The following GALNT12 variants were observed in gnomAD, a reference collection of about 807,000 sequenced individuals.
GALNT12 encodes polypeptide N-acetylgalactosaminyltransferase 12.
Under a neutral mutation model 55.5 loss-of-function variants are expected in GALNT12, and 45 were observed. The ratio of observed to expected loss-of-function variants is 0.81; its 90% CI spans 0.64 to 1.04. The LOEUF is 1.04. GALNT12 is among the 50% of genes least tolerant of loss of function. The pLI, the probability that GALNT12 is intolerant of heterozygous loss-of-function variation, is 0.00. For missense variants in GALNT12, 709 were observed against 754.8 expected (o/e 0.94, Z 0.71); for synonymous variants, 304 against 312.2 (o/e 0.97, Z 0.28).
chr9:98,845,325 G>A (rs1016670048), intron 8 of GALNT12, among the ~76,000 whole-genome samples: 1 of 152,154 alleles, frequency 6.6e-6, no homozygotes, highest in Admixed American at 6.5e-5. Context: ...CTGGTGGGGT[G>A]GGTGGGTGTC....
chr9:98,817,114 C>T (rs1835630862), intron 1 of GALNT12, among the ~76,000 whole-genome samples: 1 of 152,184 alleles, frequency 6.6e-6, no homozygotes, highest in African/African-American at 2.4e-5. Flanking sequence ...GCGTGGGCCA[C>T]TGTGCCCAGC....
At chr9:98,825,368 C>T (rs1835834763) in intron 2 of GALNT12, among the ~76,000 whole-genome samples, 1 of 152,190 alleles carries the variant, frequency 6.6e-6, no homozygotes, top group Non-Finnish European at 1.5e-5. Context: ...CCCTTCCTGT[C>T]ATTGTGGGAA....
intron 1 of GALNT12, 28 bp from the exon 2 acceptor site, chr9:98,823,228 A>C: frequency 1.2e-6 from 2 of 1,611,616 alleles, no homozygotes. Flanking sequence ...CTAGATCCTG[A>C]GTTCCTGAAG....
In GALNT12 at chr9:98,849,834, T is replaced by A; in HGVS notation, c.*742T>A. The stretch of plus-strand genomic sequence containing the variant: ...CCACTATGACTTTAAAACATGTTTA[T>A]ATCATTTTTAATTTTTATGATACGG... On this transcript the variant is annotated 3_prime_UTR_variant, in exon 10 of 10. Transcript: ENST00000375011. 2.8e-6 allele frequency: 1 copy of A among 358,772 alleles called. No homozygotes were observed. The highest frequency in any genetic ancestry group is 4.1e-5 in the East Asian group (1 of 24,690). 22.2% of individuals were successfully genotyped at this position (358,772 alleles called of 1,614,324 possible).
At chr9:98,808,117 C>A in intron 1 of GALNT12, 48 bp downstream of exon 1, 1 of 1,468,056 alleles carries the variant, frequency 6.8e-7, no homozygotes, top group Non-Finnish European at 9.2e-7. Context: ...AGCCCCGGGC[C>A]TCAGTTTCTC....
At chr9:98,829,498 T>C (rs905577174) in intron 3 of GALNT12, among the ~76,000 whole-genome samples, 3 of 151,644 alleles carry the variant, frequency 2.0e-5, no homozygotes, top group Non-Finnish European at 4.4e-5. Context: ...CAGTTATTTT[T>C]AAATGTACAA....
chr9:98,849,090 T>C lies in GALNT12; in HGVS notation c.1744T>C (p.Ter582ArgextTer24), dbSNP rs2118524217. Residue 582 changes from the stop codon to arginine (R), a stop_lost, in exon 10 of 10, where the codon TGA becomes CGA. Coordinates refer to ENST00000375011, the MANE Select transcript of GALNT12 (RefSeq NM_024642.5). ...ATGGTTCTTCAAAGAGCGCATGTTA[T>C]GAAGCCTCGTGTATCAAGGAGCCCA... is the stretch of plus-strand genomic sequence containing the variant. Reference protein sequence around the residue: ...QKWFFKERML* With the variant: ...QKWFFKERMLR 15 of 1,614,210 alleles carry C rather than the reference T, an allele frequency of 9.3e-6. No homozygotes were observed. The highest frequency in any genetic ancestry group is 1.3e-5 in the Non-Finnish European group (15 of 1,180,030).
intron 4 of GALNT12, among the ~76,000 whole-genome samples, chr9:98,832,975 C>G (rs960995342): frequency 2.0e-5 from 3 of 152,060 alleles, no homozygotes; most frequent in Admixed American, 6.6e-5. Context: ...TGGGTATACA[C>G]CTAGGAGTGG....
intron 7 of GALNT12, 71 bp from the exon 8 acceptor site, chr9:98,844,025 C>G: frequency 1.9e-6 from 2 of 1,066,304 alleles, no homozygotes; most frequent in East Asian, 4.7e-5. Context: ...AGGTACCCTC[C>G]CCAAGCCTTG....
chr9:98,846,397 C>G (rs547415454), intron 9 of GALNT12, among the ~76,000 whole-genome samples: 24 of 152,278 alleles, frequency 1.6e-4, no homozygotes, highest in Non-Finnish European at 2.4e-4. Flanking sequence ...CCTTGCACCC[C>G]CATGAGCTGC....
rs1394878194 is a variant in GALNT12, at chr9:98,830,592, A to C, written c.732-1180A>C. Among the ~76,000 whole-genome samples the C allele has an allele frequency of 3.7e-4, 56 of 152,168 alleles. 1 individual carries two copies. The highest frequency in any genetic ancestry group is 1.2e-4 in the Non-Finnish European group (8 of 68,034). ...ATCACAAGCCATCAGTTCCTGGGGG[A>C]GCTGGCCTTTGCCAGGGGCCAGCTA... On this transcript the variant is annotated intron_variant, in intron 3 of 9. Transcript: ENST00000375011.
intron 2 of GALNT12, 89 bp from the exon 3 acceptor site, chr9:98,826,663 G>A: frequency 2.4e-6 from 3 of 1,274,356 alleles, no homozygotes; most frequent in South Asian, 2.6e-5. Context: ...TTCTGTTTGG[G>A]ACAGGGAGGC....
In GALNT12 at chr9:98,821,529, G is replaced by T. The variant is rs372151772; in HGVS notation, c.372-1727G>T. 3.3e-5 allele frequency among the ~76,000 whole-genome samples: 5 copies of T among 149,536 alleles called. No homozygotes were observed. The East Asian group carries it at 6.2e-4, about 18-fold the overall frequency. ...AGTCCCAGCTACTCAGGAGGCTGAG[G>T]TGGGAGAATGGCATGAACCCGGGAG... On this transcript the variant is annotated intron_variant, in intron 1 of 9. Transcript: ENST00000375011.
intron 3 of GALNT12, among the ~76,000 whole-genome samples, chr9:98,830,454 C>T (rs905369860): frequency 4.6e-5 from 7 of 152,174 alleles, no homozygotes; most frequent in Non-Finnish European, 1.0e-4. Flanking sequence ...CCCTGTGGGT[C>T]CTGCACATTC....
chr9:98,833,062 AG>A (rs1279531707), intron 4 of GALNT12, among the ~76,000 whole-genome samples: 1 of 152,088 alleles, frequency 6.6e-6, no homozygotes, highest in Non-Finnish European at 1.5e-5. Flanking sequence ...GATCCATGGC[AG>A]GTGGAGGAGT....
At position 98,849,366 on chromosome 9, in the gene GALNT12, C is replaced by A. The variant is rs1354302265; in HGVS notation, c.*274C>A. On this transcript the variant is annotated 3_prime_UTR_variant, in exon 10 of 10. Transcript: ENST00000375011. ...ACCCTTGGTATTTAGAAAATTAAAA[C>A]CTTATAATATTTTTCTATCAAGATG... 7.2e-5 allele frequency: 41 copies of A among 572,764 alleles called. No individual in the cohort carries two copies. Among genetic ancestry groups the A allele is most frequent in the South Asian group, 6.8e-4 (28 of 41,376 alleles). The allele number at this position is 572,764 out of a possible 1,614,324, so 35.5% of individuals were successfully genotyped here.
intron 4 of GALNT12, among the ~76,000 whole-genome samples, chr9:98,833,223 G>A (rs1836045465): frequency 6.6e-6 from 1 of 152,140 alleles, no homozygotes; most frequent in Admixed American, 6.6e-5. Flanking sequence ...GTGGGAGTTG[G>A]GCAGGAGGAG....
intron 3 of GALNT12, among the ~76,000 whole-genome samples, chr9:98,831,054 T>C (rs1186059401): frequency 1.3e-5 from 2 of 152,172 alleles, no homozygotes; most frequent in Non-Finnish European, 2.9e-5. Flanking sequence ...CCTGGAAGCA[T>C]GCTGAGGGAT....
At chr9:98,840,331 G>A (rs1054646206) in intron 7 of GALNT12, among the ~76,000 whole-genome samples, 198 bp downstream of exon 7, 2 of 143,028 alleles carry the variant, frequency 1.4e-5, no homozygotes, top group Non-Finnish European at 3.0e-5. Flanking sequence ...GGTGCAGAAT[G>A]TCAGAGCTGG....
Sources: gnomAD v4.1 joint callset for allele counts (sites outside exome capture counted in the v4.1 genomes callset) on GRCh38, gnomAD v4.1.1 for gene constraint, MANE v1.5 for transcripts, NCBI Gene and HGNC (gene_info 2026-07-23, HGNC 2026-07-21) for gene names.